The following PLCE1 variants were observed in gnomAD, a reference collection of about 807,000 sequenced individuals.
PLCE1 encodes the protein phospholipase C epsilon 1, also known as 1-phosphatidylinositol 4,5-bisphosphate phosphodiesterase epsilon-1.
Under a neutral mutation model 242.8 loss-of-function variants are expected in PLCE1, and 119 were observed. The ratio of observed to expected loss-of-function variants is 0.49; its 90% confidence interval spans 0.42 to 0.57. The LOEUF (loss-of-function observed/expected upper bound fraction) is 0.57, where lower values mean the gene tolerates loss of function less well. Among genes scored for constraint, PLCE1 ranks in the 20% least tolerant of loss-of-function variants. The pLI, the probability that PLCE1 is intolerant of heterozygous loss-of-function variation, is 0.00. For synonymous variants in PLCE1, 945 were observed against 1,017.4 expected (o/e 0.93, Z 1.35); for missense variants, 2,441 against 2,788.8 (o/e 0.88, Z 2.81).
At chr10:94,148,153 T>C (rs1471903017) in intron 3 of PLCE1, among the ~76,000 whole-genome samples, 1 of 152,140 alleles carries the variant, frequency 6.6e-6, no homozygotes, top group Admixed American at 6.5e-5. Context: ...CTCAGGTCAT[T>C]ATAATGGGTT....
intron 14 of PLCE1, 77 bp downstream of exon 14, chr10:94,262,809 C>A: frequency 1.0e-6 from 1 of 983,362 alleles, no homozygotes; most frequent in Non-Finnish European, 1.7e-6. Context: ...AATGTTTATT[C>A]TTTCTATACT....
intron 2 of PLCE1, among the ~76,000 whole-genome samples, chr10:94,049,252 A>C (rs920455601): frequency 1.3e-5 from 2 of 152,160 alleles, no homozygotes; most frequent in Non-Finnish European, 2.9e-5. Flanking sequence ...CCTAAAGTCT[A>C]AGATATTCAC....
chr10:94,214,209 A>T (rs1358863142), intron 4 of PLCE1, among the ~76,000 whole-genome samples: 1 of 152,206 alleles, frequency 6.6e-6, no homozygotes. Context: ...TGCCCTTCCC[A>T]GAAGACTGTC....
intron 4 of PLCE1, among the ~76,000 whole-genome samples, chr10:94,220,907 C>G (rs1450195778): frequency 3.9e-5 from 6 of 152,204 alleles, no homozygotes; most frequent in Admixed American, 2.6e-4. Context: ...CTACCTCCAG[C>G]GCCGGGCTCC....
chr10:94,246,124 G>A lies in PLCE1; in HGVS notation c.2599G>A (p.Val867Ile). ...VHQFLLQGAT[V>I]IHYDQDTHLS... ...CCAGTTCCTGCTGCAGGGGGCCACG[G>A]TCATCCACTACGACCAGGACACACA... Residue 867 changes from valine to isoleucine, a missense_variant, in exon 8 of 33, where the codon GTC becomes ATC. Physicochemically the swap from Val to Ile is conservative, Grantham distance 29 (BLOSUM62 3). Transcript: ENST00000371380. 1 of 1,614,054 alleles carries A rather than the reference G, an allele frequency of 6.2e-7. No homozygotes were observed.
At chr10:94,277,068 T>G (rs1362827371) in intron 19 of PLCE1, among the ~76,000 whole-genome samples, 2 of 152,052 alleles carry the variant, frequency 1.3e-5, no homozygotes. Flanking sequence ...CGGAGTCATT[T>G]CCCATACAAA....
intron 2 of PLCE1, among the ~76,000 whole-genome samples, chr10:94,052,669 A>G (rs2043797409): frequency 6.6e-6 from 1 of 152,126 alleles, no homozygotes; most frequent in African/African-American, 2.4e-5. Context: ...TAAGCTAGAA[A>G]AAAGGAATGA....
In PLCE1 at chr10:94,274,109, A is replaced by G. The variant is rs144327056; in HGVS notation, c.4665+389A>G. On this transcript the variant is annotated intron_variant, in intron 19 of 32. Coordinates refer to ENST00000371380, the MANE Select transcript of PLCE1 (RefSeq NM_016341.4). ...GGCCTGTAGTAGAAGCCCAAAAGCCATAGCCCTGTGATCCCAGCGTATCAC... is the reference window on the plus strand; with the variant it reads ...GGCCTGTAGTAGAAGCCCAAAAGCCGTAGCCCTGTGATCCCAGCGTATCAC... Among the ~76,000 whole-genome samples, 10 of 152,214 alleles carry G rather than the reference A, an allele frequency of 6.6e-5. No individual in the cohort carries two copies. In the East Asian group the frequency reaches 1.9e-3, roughly 30 times the overall value.
chr10:94,236,420 A>C (rs907361285), intron 7 of PLCE1, among the ~76,000 whole-genome samples: 8 of 152,100 alleles, frequency 5.3e-5, no homozygotes, highest in Admixed American at 3.9e-4. Flanking sequence ...TCAACACATT[A>C]AATTTCAGAA....
intron 2 of PLCE1, among the ~76,000 whole-genome samples, chr10:94,056,291 A>T (rs572748308): frequency 6.6e-6 from 1 of 152,352 alleles, no homozygotes; most frequent in South Asian, 2.1e-4. Flanking sequence ...TGCTTTTCAG[A>T]TGGGGTTGGA....
chr10:94,082,065 T>C (rs1465828057), intron 2 of PLCE1: 1 of 152,204 alleles, frequency 6.6e-6, no homozygotes, highest in Non-Finnish European at 1.5e-5. Flanking sequence ...TCAGGTAATA[T>C]AATCACATCT....
intron 2 of PLCE1, 115 bp downstream of exon 2, chr10:94,032,367 A>G: frequency 1.1e-6 from 1 of 950,312 alleles, no homozygotes; most frequent in South Asian, 1.5e-5. Flanking sequence ...TCAAATTATG[A>G]TTCTTAGGTT....
rs77579154 is a variant in PLCE1 at position 94,089,306 on chromosome 10, C to T, written c.1207-42868C>T. 107 of 1,613,938 alleles carry T rather than the reference C, an allele frequency of 6.6e-5. No individual in the cohort carries two copies. In the African/African-American group the frequency reaches 1.3e-3, roughly 20 times the overall value. On this transcript the variant is annotated intron_variant, in intron 2 of 32. Coordinates refer to ENST00000371380, the MANE Select transcript of PLCE1 (RefSeq NM_016341.4). ...GTCTTGAAGGTTGGTTGGCTCTTCC[C>T]GCTCTCTGAGGTACCCAATTTTACC...
At chr10:94,053,605 T>A (rs1437622409) in intron 2 of PLCE1, among the ~76,000 whole-genome samples, 2 of 152,244 alleles carry the variant, frequency 1.3e-5, no homozygotes. Flanking sequence ...TAGCAGGTCC[T>A]CAAGAAAGGC....
At position 94,246,537 on chromosome 10, in the gene PLCE1, A is replaced by C. The variant is rs756013871; in HGVS notation, c.3012A>C (p.Glu1004Asp). ...TAKMLFSGLL[E>D]LTRAVRKMRK... ...AAATGCTCTTCAGCGGATTATTGGA[A>C]CTCACTAGAGCTGTGAGAAAGATGA... The change falls in exon 8 of 33, where the codon GAA (glutamate) becomes GAC (aspartate). Residue 1004 changes from glutamate (E) to aspartate (D), a missense_variant. Physicochemically the swap from Glu to Asp is conservative, Grantham distance 45 (BLOSUM62 2). Around this residue, in one of 5 missense-constraint regions of PLCE1, gnomAD observed 1,004 missense variants for 1,322.7 expected, o/e 0.76. Transcript: ENST00000371380. 1.2e-6 allele frequency: 2 copies of C among 1,613,954 alleles called. No individual in the cohort carries two copies. Among genetic ancestry groups the C allele is most frequent in the African/African-American group, 2.7e-5 (2 of 75,028 alleles).
chr10:94,179,356 C>T (rs370896042), intron 4 of PLCE1, among the ~76,000 whole-genome samples: 2 of 151,948 alleles, frequency 1.3e-5, no homozygotes, highest in African/African-American at 2.4e-5. Flanking sequence ...CAGAGTAACA[C>T]GTAGGGCTGA....
intron 27 of PLCE1, among the ~76,000 whole-genome samples, chr10:94,310,798 A>T (rs1164738251): frequency 6.6e-6 from 1 of 152,120 alleles, no homozygotes; most frequent in Admixed American, 6.6e-5. Context: ...TGGGTGTCCT[A>T]CATTTCAGTT....
chr10:94,327,890 T>C (rs566663831), intron 32 of PLCE1, 78 bp from the exon 33 acceptor site: 39 of 455,450 alleles, frequency 8.6e-5, no homozygotes, highest in Non-Finnish European at 1.6e-4. Flanking sequence ...TGGAAAACTC[T>C]GAACCCTTGG....
chr10:94,290,669 C>CATAT (rs58538504), intron 22 of PLCE1, among the ~76,000 whole-genome samples: 6 of 148,754 alleles, frequency 4.0e-5, no homozygotes, highest in East Asian at 2.0e-4. Context: ...TTACAGTTAA[C>CATAT]ATATATATAT....
Sources: allele counts gnomAD v4.1 joint callset (sites outside exome capture counted in the v4.1 genomes callset), GRCh38; gene constraint gnomAD v4.1.1; regional missense constraint gnomAD v4.1.1; transcripts MANE v1.5; gene names NCBI Gene and HGNC (gene_info 2026-07-23, HGNC 2026-07-21).